TANGO2: variants seen among roughly 807,000 people sequenced by gnomAD.
TANGO2 encodes the protein transport and golgi organization 2 homolog.
TANGO2 carries 26 observed loss-of-function variants against 39.1 expected under a neutral mutation model. That is an observed-to-expected ratio of 0.67 (90% CI 0.49 to 0.92). The LOEUF (loss-of-function observed/expected upper bound fraction) is 0.92. TANGO2 is among the 40% of genes least tolerant of loss of function. TANGO2 has a pLI of 0.00. For missense variants in TANGO2, 326 were observed against 360.1 expected (o/e 0.91, Z 0.77); for synonymous variants, 131 against 144.5 (o/e 0.91, Z 0.67).
chr22:20,026,078 C>T (rs374167279), intron 1 of TANGO2, among the ~76,000 whole-genome samples: 2 of 152,196 alleles, frequency 1.3e-5, no homozygotes, highest in South Asian at 4.1e-4. Context: ...TCACAGCAGT[C>T]GCACAGGCAG....
intron 2 of TANGO2, 115 bp downstream of exon 2, chr22:20,036,969 A>C (rs376011916): frequency 1.2e-6 from 2 of 1,610,722 alleles, no homozygotes; most frequent in Non-Finnish European, 8.5e-7. Flanking sequence ...ACGGGGCTGC[A>C]CAGGCCTGGC....
At chr22:20,056,311 C>T (rs752672859) in intron 6 of TANGO2, 113 of 615,694 alleles carry the variant, frequency 1.8e-4, no homozygotes, top group Non-Finnish European at 2.9e-4. Context: ...CTTCCTGTGC[C>T]GTCCCAGTGT....
At chr22:20,045,522 AGATG>A (rs2044995000) in intron 3 of TANGO2, among the ~76,000 whole-genome samples, 1 of 64,152 alleles carries the variant, frequency 1.6e-5, no homozygotes, top group South Asian at 4.8e-4. Flanking sequence ...TTTTTTTTTG[AGATG>A]GAATTTTGCT....
chr22:20,036,153 C>T (rs1206399170), intron 1 of TANGO2, among the ~76,000 whole-genome samples: 1 of 152,104 alleles, frequency 6.6e-6, no homozygotes, highest in East Asian at 1.9e-4. Flanking sequence ...CAAAATACAG[C>T]AAGACAAGCC....
intron 2 of TANGO2, among the ~76,000 whole-genome samples, chr22:20,038,129 C>T (rs73150856): frequency 0.12 from 17,639 of 152,088 alleles, 1,574 homozygotes; most frequent in East Asian, 0.47. Context: ...GTGGGTAGGC[C>T]CTAATCAATG....
chr22:20,053,380 C>T (rs1301778319), intron 4 of TANGO2, 57 bp from the exon 5 acceptor site: 10 of 1,292,600 alleles, frequency 7.7e-6, no homozygotes, highest in Non-Finnish European at 1.1e-5. Flanking sequence ...ATCAGTGTTC[C>T]TGGGAGAAGA....
rs1333906885 is a variant in TANGO2 at position 20,064,972 on chromosome 22, A to G, written c.*310A>G. 8.8e-6 allele frequency: 3 copies of G among 340,024 alleles called. No homozygotes were observed. Among genetic ancestry groups the G allele is most frequent in the African/African-American group, 6.2e-5 (3 of 48,518 alleles). The allele number at this position is 340,024 out of a possible 1,614,324, so 21.1% of individuals were successfully genotyped here. ...ACACAGGCACTCACATGGCACACAC[A>G]TACACTCCTGCGTGTGCACAAGCAC... is the stretch of plus-strand genomic sequence containing the variant. On this transcript the variant is annotated 3_prime_UTR_variant, in exon 9 of 9. Coordinates refer to ENST00000327374, the MANE Select transcript of TANGO2 (RefSeq NM_152906.7).
intron 1 of TANGO2, among the ~76,000 whole-genome samples, chr22:20,028,623 G>A (rs1601854179): frequency 6.6e-6 from 1 of 152,350 alleles, no homozygotes; most frequent in East Asian, 1.9e-4. Context: ...GCGTTTCTTG[G>A]TATTATACAA....
At chr22:20,056,598 G>A (rs1396450168) in intron 6 of TANGO2, 26 of 456,430 alleles carry the variant, frequency 5.7e-5, no homozygotes, top group Non-Finnish European at 1.0e-4. Context: ...CCCCCTCCTC[G>A]GGTGCTGCGA....
At chr22:20,037,254 G>A (rs1374408652) in intron 2 of TANGO2, among the ~76,000 whole-genome samples, 2 of 152,196 alleles carry the variant, frequency 1.3e-5, no homozygotes, top group African/African-American at 4.8e-5. Flanking sequence ...GGCCAGGCTA[G>A]GGGTCTGTGG....
chr22:20,031,016 G>A (rs2041745033), intron 1 of TANGO2, among the ~76,000 whole-genome samples: 1 of 152,034 alleles, frequency 6.6e-6, no homozygotes, highest in Admixed American at 6.6e-5. Flanking sequence ...TGGCCAACAT[G>A]GTGAAACCCC....
At chr22:20,059,058 C>T (rs994907467) in intron 6 of TANGO2, among the ~76,000 whole-genome samples, 6 of 152,132 alleles carry the variant, frequency 3.9e-5, no homozygotes, top group African/African-American at 1.4e-4. Context: ...TCTGTAGTTG[C>T]TTATCAGAAA....
intron 1 of TANGO2, among the ~76,000 whole-genome samples, chr22:20,023,716 G>A (rs1015054008): frequency 3.3e-5 from 5 of 151,974 alleles, no homozygotes; most frequent in South Asian, 2.1e-4. Flanking sequence ...TTAGCCGGAC[G>A]TGGTGGTGGC....
Position 20,037,171 on chromosome 22 carries a change from G to T in TANGO2, c.56+317G>T, listed in dbSNP as rs543534921. On this transcript the variant is annotated intron_variant, in intron 2 of 8. Transcript: ENST00000327374. ...TGAGGAGGGTCGGGCGGCAGAACTG[G>T]GACAACGGCGTCAGTGAGTGAGAGC... 3.4e-6 allele frequency: 5 copies of T among 1,449,346 alleles called. No individual in the cohort carries two copies. The African/African-American group carries it at 7.1e-5, about 21-fold the overall frequency. 89.8% of individuals were successfully genotyped at this position (1,449,346 alleles called of 1,614,324 possible).
At chr22:20,030,238 G>C (rs975827845) in intron 1 of TANGO2, among the ~76,000 whole-genome samples, 2 of 151,038 alleles carry the variant, frequency 1.3e-5, no homozygotes, top group Admixed American at 6.6e-5. Flanking sequence ...CACGATCTCG[G>C]TTCACTGCAA....
At chr22:20,017,483 G>T (rs981218786), upstream of TANGO2, among the ~76,000 whole-genome samples, 1 of 152,082 alleles carries the variant, frequency 6.6e-6, no homozygotes, top group African/African-American at 2.4e-5. Context: ...GTAAACCAGG[G>T]GCTCACCTCC....
chr22:20,033,828 A>G (rs1156604308), intron 1 of TANGO2, among the ~76,000 whole-genome samples: 4 of 152,258 alleles, frequency 2.6e-5, no homozygotes, highest in Non-Finnish European at 4.4e-5. Context: ...GTTCTGCATC[A>G]TCAGCTGCAC....
intron 6 of TANGO2, among the ~76,000 whole-genome samples, chr22:20,059,128 A>G (rs1311686694): frequency 6.6e-6 from 1 of 152,072 alleles, no homozygotes; most frequent in African/African-American, 2.4e-5. Context: ...GGCTGTCAAG[A>G]GTTAGGAGGG....
chr22:20,060,328 G>T (rs111323873), intron 6 of TANGO2, among the ~76,000 whole-genome samples: 7,421 of 130,674 alleles, frequency 0.057, 641 homozygotes, highest in African/African-American at 0.2. Context: ...CAGCCTGGGC[G>T]ACAGAGTAAG....
Sources: gnomAD v4.1 joint callset for allele counts (sites outside exome capture counted in the v4.1 genomes callset) on GRCh38, gnomAD v4.1.1 for gene constraint, MANE v1.5 for transcripts, NCBI Gene and HGNC (gene_info 2026-07-23, HGNC 2026-07-21) for gene names.